DPP6: variants seen among roughly 807,000 people sequenced by gnomAD.
DPP6 encodes dipeptidyl peptidase like 6.
Under a neutral mutation model 122.6 loss-of-function variants are expected in DPP6, and 69 were observed. The observed-to-expected ratio is 0.56, with a 90% CI of 0.46 to 0.69. The LOEUF is 0.69. Ranked by LOEUF, DPP6 falls within the 30% of genes least tolerant of loss-of-function variation. The pLI, the probability that DPP6 is intolerant of heterozygous loss-of-function variation, is 0.00. For missense variants in DPP6, 928 were observed against 1,116.9 expected (o/e 0.83, Z 2.41); for synonymous variants, 418 against 433.1 (o/e 0.97, Z 0.43).
the DPP6 span, among the ~76,000 whole-genome samples, chr7:153,798,080 G>A: frequency 6.6e-6 from 1 of 152,056 alleles, no homozygotes; most frequent in Admixed American, 6.6e-5. Flanking sequence ...CTGACCTCCT[G>A]ATCCGCCCGC....
chr7:154,474,510 CTG>C (rs1426420590), intron 2 of DPP6, among the ~76,000 whole-genome samples: 1 of 152,214 alleles, frequency 6.6e-6, no homozygotes, highest in East Asian at 1.9e-4. Context: ...GGAATATTTT[CTG>C]TGTCTTTGAA....
intron 16 of DPP6, among the ~76,000 whole-genome samples, chr7:154,841,122 C>T (rs1801494274): frequency 6.6e-6 from 1 of 152,206 alleles, no homozygotes; most frequent in African/African-American, 2.4e-5. Context: ...GCAGACTGTG[C>T]TCAGTGCTAT....
chr7:154,596,051 C>T (rs1047518874), intron 5 of DPP6, among the ~76,000 whole-genome samples: 4 of 152,124 alleles, frequency 2.6e-5, no homozygotes, highest in African/African-American at 4.8e-5. Context: ...CAGAGCGAGA[C>T]GCCATCTCAA....
At chr7:153,863,845 T>G in the DPP6 span, among the ~76,000 whole-genome samples, 4 of 152,230 alleles carry the variant, frequency 2.6e-5, no homozygotes, top group African/African-American at 9.6e-5. Flanking sequence ...CTTTCATGAC[T>G]GGCTTCTTTC....
chr7:154,715,422 T>C (rs1251558906), intron 7 of DPP6, among the ~76,000 whole-genome samples: 1 of 152,218 alleles, frequency 6.6e-6, no homozygotes, highest in African/African-American at 2.4e-5. Context: ...CATTGAGGCC[T>C]ACTTTAATTT....
chr7:154,687,628 T>G (rs1839696558), intron 7 of DPP6, among the ~76,000 whole-genome samples: 1 of 152,234 alleles, frequency 6.6e-6, no homozygotes, highest in South Asian at 2.1e-4. Context: ...TTCCAAGATC[T>G]TCTCTCATTT....
intron 1 of DPP6, among the ~76,000 whole-genome samples, chr7:154,116,101 T>C (rs1030575864): frequency 1.3e-5 from 2 of 151,080 alleles, no homozygotes; most frequent in African/African-American, 4.9e-5. Flanking sequence ...ATCATATTTA[T>C]ATATGGTGTG....
At chr7:153,892,569 C>T (rs181410262) in intron 1 of DPP6, among the ~76,000 whole-genome samples, 90 of 152,166 alleles carry the variant, frequency 5.9e-4, no homozygotes, top group African/African-American at 2.0e-3. Flanking sequence ...CCGTCTCGGC[C>T]CCCCAAAGTG....
At chr7:154,217,411 A>G (rs1201377503) in intron 1 of DPP6, among the ~76,000 whole-genome samples, 2 of 152,224 alleles carry the variant, frequency 1.3e-5, no homozygotes, top group African/African-American at 2.4e-5. Context: ...ACTCAAATTT[A>G]AAGTATTAAG....
chr7:154,225,075 A>G lies in DPP6; in HGVS notation c.243+172012A>G, dbSNP rs545912240. 2.5e-3 allele frequency among the ~76,000 whole-genome samples: 385 copies of G among 152,032 alleles called. 2 individuals are homozygous for G. Among genetic ancestry groups the G allele is most frequent in the African/African-American group, 8.8e-3 (366 of 41,444 alleles). On this transcript the variant is annotated intron_variant, in intron 1 of 25. Coordinates refer to ENST00000377770, the MANE Select transcript of DPP6 (RefSeq NM_130797.4). ...GAGAATTGCTTGAACCTGGGAGGTG[A>G]AGGTTGCAGTGAGCCGAGACTGTGC...
At chr7:154,291,644 T>G (rs1456678855) in intron 1 of DPP6, among the ~76,000 whole-genome samples, 3 of 152,206 alleles carry the variant, frequency 2.0e-5, no homozygotes, top group Admixed American at 2.0e-4. Flanking sequence ...ATTTCTAAGT[T>G]CAGGTTCCTA....
rs1585979627 is a variant in DPP6, at chr7:154,336,223, C to A, written c.244-109991C>A. Among the ~76,000 whole-genome samples the A allele has an allele frequency of 3.9e-5, 6 of 152,232 alleles. No homozygotes were observed. The South Asian group carries it at 1.2e-3, about 32-fold the overall frequency. ...CATGGTCATAATACAGACTTAGCAA[C>A]CTGGAAGGAAGTCTCAGTGATCTGT... On this transcript the variant is annotated intron_variant, in intron 1 of 25. Coordinates refer to ENST00000377770, the MANE Select transcript of DPP6 (RefSeq NM_130797.4).
At chr7:154,140,142 A>T (rs1174263784) in intron 1 of DPP6, among the ~76,000 whole-genome samples, 6 of 152,202 alleles carry the variant, frequency 3.9e-5, no homozygotes, top group Admixed American at 1.3e-4. Flanking sequence ...ATGATTTTAA[A>T]TGTGCACTCA....
chr7:153,997,593 G>GCACACACACACACA (rs3980023), intron 1 of DPP6, among the ~76,000 whole-genome samples: 20,729 of 145,822 alleles, frequency 0.14, 1,619 homozygotes, highest in South Asian at 0.18. Context: ...TGAGTGCACA[G>GCACACACACACACA]CACACACACA....
In DPP6 at chr7:154,625,215, G is replaced by T. The variant is rs534172788; in HGVS notation, c.628-12606G>T. Among the ~76,000 whole-genome samples, 43 of 152,328 alleles carry T rather than the reference G, an allele frequency of 2.8e-4. 1 individual carries two copies. In the South Asian group the frequency reaches 8.9e-3, roughly 32 times the overall value. ...GGGCATGGTAAGCAGCTGATGAAAA[G>T]TTAAGGATGGAAACTTTAGGCTTGA... On this transcript the variant is annotated intron_variant, in intron 5 of 25. Transcript: ENST00000377770.
chr7:154,711,008 A>G (rs1030608339), intron 7 of DPP6, among the ~76,000 whole-genome samples: 18 of 152,236 alleles, frequency 1.2e-4, no homozygotes, highest in African/African-American at 4.3e-4. Context: ...TCCTGATGTA[A>G]TTAGCTTGAT....
intron 5 of DPP6, among the ~76,000 whole-genome samples, chr7:154,590,564 A>AACTC (rs1832746566): frequency 7.0e-6 from 1 of 142,838 alleles, no homozygotes; most frequent in Admixed American, 7.1e-5. Flanking sequence ...TATGGAGTTT[A>AACTC]ACTCTTGTTG....
chr7:154,256,792 T>G (rs772742022), intron 1 of DPP6, among the ~76,000 whole-genome samples: 5 of 152,136 alleles, frequency 3.3e-5, no homozygotes, highest in Non-Finnish European at 5.9e-5. Context: ...AGGCATTCAT[T>G]TACTGGAGCA....
At chr7:154,887,166 G>A (rs1584992611) in intron 22 of DPP6, among the ~76,000 whole-genome samples, 1 of 152,320 alleles carries the variant, frequency 6.6e-6, no homozygotes, top group South Asian at 2.1e-4. Context: ...TTACCCTGCA[G>A]GCCAGGGGCA....
Sources: allele counts gnomAD v4.1 joint callset (sites outside exome capture counted in the v4.1 genomes callset), GRCh38; gene constraint gnomAD v4.1.1; transcripts MANE v1.5; gene names NCBI Gene and HGNC (gene_info 2026-07-23, HGNC 2026-07-21).